The following SLC44A1 variants were observed in gnomAD, a reference collection of about 807,000 sequenced individuals.
SLC44A1 encodes choline transporter-like protein 1.
A neutral mutation model predicts 79.3 loss-of-function variants in SLC44A1; 26 were observed. That is an observed-to-expected ratio of 0.33 (90% confidence interval 0.24 to 0.46). The LOEUF (loss-of-function observed/expected upper bound fraction) is 0.46. Among genes scored for constraint, SLC44A1 ranks in the 20% least tolerant of loss-of-function variants. The probability of loss-of-function intolerance (pLI) is 1.00; values close to 1 mark genes in which losing one functional copy is unlikely to be tolerated. For synonymous variants in SLC44A1, 263 were observed against 286.2 expected, an observed-to-expected ratio of 0.92 and a Z score of 0.82; for missense variants, 688 against 798.1, an observed-to-expected ratio of 0.86 and a Z score of 1.66.
intron 1 of SLC44A1, among the ~76,000 whole-genome samples, chr9:105,270,890 A>G (rs939434858): frequency 6.6e-6 from 1 of 152,164 alleles, no homozygotes; most frequent in Non-Finnish European, 1.5e-5. Flanking sequence ...CTACCTCTCT[A>G]TTTTTAGTTC....
chr9:105,348,190 A>G (rs1485515160), intron 4 of SLC44A1, among the ~76,000 whole-genome samples, 168 bp from the exon 5 acceptor site: 2 of 152,132 alleles, frequency 1.3e-5, no homozygotes, highest in African/African-American at 2.4e-5. Context: ...ATTTTAGAGA[A>G]GAATCAGTTT....
intron 1 of SLC44A1, among the ~76,000 whole-genome samples, chr9:105,296,527 A>G (rs1830725513): frequency 6.6e-6 from 1 of 152,240 alleles, no homozygotes; most frequent in Non-Finnish European, 1.5e-5. Flanking sequence ...AAACTACACA[A>G]CCAACCTGAG....
Position 105,315,988 on chromosome 9 carries a change from C to T in SLC44A1, c.269+6122C>T, listed in dbSNP as rs2417613. On this transcript the variant is annotated intron_variant, in intron 3 of 15. Transcript: ENST00000374720. Reference sequence around the variant, plus strand: ...AGCTGTGTCCTACAGACCACTATTACGAATACTAAAATAACAAGCGACCTA... The same window carrying T: ...AGCTGTGTCCTACAGACCACTATTATGAATACTAAAATAACAAGCGACCTA... Among the ~76,000 whole-genome samples the T allele has an allele frequency of 4.5e-4, 69 of 152,188 alleles. 1 individual carries two copies. The South Asian group carries it at 0.012, about 26-fold the overall frequency.
chr9:105,402,775 G>A (rs1828974605), intron 15 of SLC44A1, among the ~76,000 whole-genome samples: 1 of 152,128 alleles, frequency 6.6e-6, no homozygotes, highest in Non-Finnish European at 1.5e-5. Flanking sequence ...CATGCAATAT[G>A]TTTTTAGTGT....
At chr9:105,322,467 G>A (rs767365683) in intron 3 of SLC44A1, among the ~76,000 whole-genome samples, 1 of 152,152 alleles carries the variant, frequency 6.6e-6, no homozygotes, top group Non-Finnish European at 1.5e-5. Flanking sequence ...TAAAAGGTGG[G>A]AGTGAAGGGT....
At chr9:105,301,330 T>A (rs1271059278) in intron 2 of SLC44A1, among the ~76,000 whole-genome samples, 1 of 152,260 alleles carries the variant, frequency 6.6e-6, no homozygotes, top group African/African-American at 2.4e-5. Context: ...ATTAATATAA[T>A]GTTGATTTCA....
At chr9:105,387,050 A>ATATATATAT (rs1170191623) in intron 15 of SLC44A1, among the ~76,000 whole-genome samples, 21 of 1,418 alleles carry the variant, frequency 0.015, 1 homozygote, top group African/African-American at 0.024. Context: ...AAAAAAAAAA[A>ATATATATAT]AAAAAAAAAA....
In SLC44A1 at chr9:105,394,886, A is replaced by G. The variant is rs1828844385; in HGVS notation, c.*5830A>G. The G allele has an allele frequency of 3.0e-6, 3 of 985,372 alleles. No individual in the cohort carries two copies. Among genetic ancestry groups the G allele is most frequent in the Admixed American group, 1.2e-4 (2 of 16,268 alleles). 61.0% of individuals were successfully genotyped at this position (985,372 alleles called of 1,614,324 possible). A position where few individuals can be genotyped will look rare whatever the true frequency, so the allele number is the denominator to read the frequency against. On this transcript the variant is annotated 3_prime_UTR_variant, in exon 16 of 16. Coordinates refer to ENST00000374720, the MANE Select transcript of SLC44A1 (RefSeq NM_080546.5). ...TAGAGCAGCTTCAGATTCCTCTGCC[A>G]ATAGAACTCCACCCCCAGTCCCTTA...
intron 3 of SLC44A1, among the ~76,000 whole-genome samples, chr9:105,317,074 G>C (rs1831347659): frequency 6.6e-6 from 1 of 152,240 alleles, no homozygotes; most frequent in Middle Eastern, 3.4e-3. Flanking sequence ...ACAGAATTCA[G>C]TTTCACATGG....
At chr9:105,258,982 G>A (rs538136084) in intron 1 of SLC44A1, among the ~76,000 whole-genome samples, 8 of 152,102 alleles carry the variant, frequency 5.3e-5, no homozygotes, top group African/African-American at 1.9e-4. Context: ...TGGCATTACA[G>A]GTGTGAGCCA....
intron 3 of SLC44A1, among the ~76,000 whole-genome samples, chr9:105,333,545 C>T (rs1281759876): frequency 7.2e-5 from 11 of 152,202 alleles, no homozygotes; most frequent in African/African-American, 2.7e-4. Flanking sequence ...AGTGGCTTAT[C>T]ATACCTGTAA....
chr9:105,356,524 A>G, intron 6 of SLC44A1, 143 bp downstream of exon 6: 1 of 576,112 alleles, frequency 1.7e-6, no homozygotes, highest in South Asian at 2.5e-5. Flanking sequence ...CAGATTATAT[A>G]TAGTTAAGAA....
At chr9:105,274,873 G>T (rs1266372112) in intron 1 of SLC44A1, among the ~76,000 whole-genome samples, 1 of 152,158 alleles carries the variant, frequency 6.6e-6, no homozygotes, top group East Asian at 1.9e-4. Flanking sequence ...GTAGAGCCAG[G>T]AACTCTTAGT....
intron 8 of SLC44A1, among the ~76,000 whole-genome samples, chr9:105,361,726 A>C (rs1827785636): frequency 6.6e-6 from 1 of 152,190 alleles, no homozygotes; most frequent in Non-Finnish European, 1.5e-5. Flanking sequence ...TTGTCTTTCA[A>C]ACTTTTCATT....
chr9:105,400,618 T>G (rs1410770804), downstream of SLC44A1, among the ~76,000 whole-genome samples: 1 of 152,242 alleles, frequency 6.6e-6, no homozygotes, highest in African/African-American at 2.4e-5. Context: ...TCTTTGACAT[T>G]AAAGACACCA....
At chr9:105,294,808 A>C (rs927848658) in intron 1 of SLC44A1, 2 of 150,272 alleles carry the variant, frequency 1.3e-5, no homozygotes. Context: ...TGTATGTCAT[A>C]TCATTTGTTA....
At chr9:105,341,696 T>A (rs534857434) in intron 4 of SLC44A1, among the ~76,000 whole-genome samples, 1 of 152,290 alleles carries the variant, frequency 6.6e-6, no homozygotes, top group African/African-American at 2.4e-5. Context: ...ATGGGCTGGA[T>A]TTCCCTGTTC....
At chr9:105,323,432 A>G (rs1826463577) in intron 3 of SLC44A1, among the ~76,000 whole-genome samples, 2 of 152,274 alleles carry the variant, frequency 1.3e-5, no homozygotes, top group South Asian at 2.1e-4. Context: ...GTTGAAAATA[A>G]CAACAGTAAT....
At chr9:105,281,842 G>T (rs1379522652) in intron 1 of SLC44A1, among the ~76,000 whole-genome samples, 2 of 152,192 alleles carry the variant, frequency 1.3e-5, no homozygotes, top group Admixed American at 6.5e-5. Flanking sequence ...TGAAGACTTT[G>T]TGAATTTGGG....
Sources: allele counts gnomAD v4.1 joint callset (sites outside exome capture counted in the v4.1 genomes callset), GRCh38; gene constraint gnomAD v4.1.1; transcripts MANE v1.5; gene names NCBI Gene and HGNC (gene_info 2026-07-23, HGNC 2026-07-21).